SLC67A2: variants seen among roughly 807,000 people sequenced by gnomAD.
SLC67A2 encodes solute carrier family 67 member 2, also known as solute carrier family 67 member A2.
At chr2:102,720,561 G>A in the SLC67A2 span, among the ~76,000 whole-genome samples, 1 of 147,308 alleles carries the variant, frequency 6.8e-6, no homozygotes, top group Middle Eastern at 3.3e-3. Context: ...CAAGGTCTAT[G>A]CAATCCTACC....
chr2:102,732,331 C>T, the SLC67A2 span: 3 of 1,612,888 alleles, frequency 1.9e-6, no homozygotes, highest in Non-Finnish European at 1.7e-6. Flanking sequence ...CCTACTATTC[C>T]AGCAACTGTT....
the SLC67A2 span, among the ~76,000 whole-genome samples, chr2:102,730,219 T>A: frequency 6.6e-6 from 1 of 152,186 alleles, no homozygotes; most frequent in East Asian, 1.9e-4. Flanking sequence ...TTTCTTTTTT[T>A]TGATTTCTTA....
the SLC67A2 span, among the ~76,000 whole-genome samples, chr2:102,735,592 A>G: frequency 6.6e-6 from 1 of 152,214 alleles, no homozygotes; most frequent in Non-Finnish European, 1.5e-5. Flanking sequence ...TCAGGGCTGA[A>G]TCAGGCCTAG....
the SLC67A2 span, among the ~76,000 whole-genome samples, chr2:102,734,278 T>C: frequency 1.3e-5 from 2 of 152,176 alleles, no homozygotes; most frequent in Non-Finnish European, 2.9e-5. Context: ...ATAAAGCTGA[T>C]GGGATGGAAA....
chr2:102,720,386 A>T, the SLC67A2 span, among the ~76,000 whole-genome samples: 4 of 152,222 alleles, frequency 2.6e-5, no homozygotes, highest in African/African-American at 9.6e-5. Flanking sequence ...CTGATGAACT[A>T]AAAAAGTAGA....
chr2:102,731,985 G>A, the SLC67A2 span: 2 of 418,038 alleles, frequency 4.8e-6, no homozygotes, highest in Non-Finnish European at 4.7e-6. Flanking sequence ...CTCACATTAG[G>A]TTAAGGGTTC....
the SLC67A2 span, among the ~76,000 whole-genome samples, chr2:102,720,724 G>A: frequency 6.6e-6 from 1 of 152,196 alleles, no homozygotes; most frequent in East Asian, 1.9e-4. Flanking sequence ...ATTTGAACCT[G>A]AGTCTGTCAG....
At chr2:102,736,553 C>G in the SLC67A2 span, 1 of 1,610,278 alleles carries the variant, frequency 6.2e-7, no homozygotes, top group South Asian at 1.1e-5. Flanking sequence ...GGTTCCCACT[C>G]CCTGGGAGCT....
At chr2:102,718,384 T>C in the SLC67A2 span, 1 of 1,606,964 alleles carries the variant, frequency 6.2e-7, no homozygotes, top group Non-Finnish European at 8.5e-7. Context: ...CATTCAACCA[T>C]CTCAAATTTT....
the SLC67A2 span, chr2:102,732,180 AAAATATTCTGG>A: frequency 1.3e-6 from 1 of 785,244 alleles, no homozygotes; most frequent in South Asian, 1.5e-5. Flanking sequence ...GTAATATTTT[AAAATATTCTGG>A]AAATTTGTTT....
At chr2:102,726,725 A>T in the SLC67A2 span, 2 of 1,409,698 alleles carry the variant, frequency 1.4e-6, no homozygotes, top group Non-Finnish European at 1.9e-6. Context: ...AACACTCTTT[A>T]AGCAAGTAAG....
the SLC67A2 span, among the ~76,000 whole-genome samples, chr2:102,720,806 G>A: frequency 1.6e-4 from 25 of 152,146 alleles, no homozygotes; most frequent in African/African-American, 5.6e-4. Flanking sequence ...GCAAAGTGGC[G>A]GATCAGAGGA....
the SLC67A2 span, chr2:102,731,011 T>C: frequency 1.2e-6 from 2 of 1,612,558 alleles, no homozygotes; most frequent in Non-Finnish European, 1.7e-6. Context: ...ATGAGACATG[T>C]GATCATAACT....
the SLC67A2 span, among the ~76,000 whole-genome samples, chr2:102,727,992 T>C: frequency 6.6e-6 from 1 of 152,140 alleles, no homozygotes; most frequent in Non-Finnish European, 1.5e-5. Flanking sequence ...TTCCCACATT[T>C]GGGAAGCCTC....
the SLC67A2 span, among the ~76,000 whole-genome samples, chr2:102,734,779 G>A: frequency 1.6e-4 from 24 of 152,084 alleles, no homozygotes; most frequent in Admixed American, 1.6e-3. Flanking sequence ...TCTGTATCAG[G>A]CTTGCTAGAT....
Sources: allele counts gnomAD v4.1 joint callset (sites outside exome capture counted in the v4.1 genomes callset), GRCh38; gene constraint gnomAD v4.1.1; transcripts MANE v1.5; gene names NCBI Gene and HGNC (gene_info 2026-07-23, HGNC 2026-07-21).